SH3RF1: variants seen among roughly 807,000 people sequenced by gnomAD.
The protein encoded by SH3RF1 is E3 ubiquitin-protein ligase SH3RF1.
A neutral mutation model predicts 74.0 loss-of-function variants in SH3RF1; 32 were observed. That is an observed-to-expected ratio of 0.43 (90% CI 0.33 to 0.58). SH3RF1 has a LOEUF of 0.58. SH3RF1 is among the 20% of genes least tolerant of loss of function. SH3RF1 has a pLI of 0.05. For missense variants in SH3RF1, 954 were observed against 1,130.9 expected (o/e 0.84, Z 2.24); for synonymous variants, 396 against 439.6 (o/e 0.90, Z 1.24).
intron 2 of SH3RF1, among the ~76,000 whole-genome samples, chr4:169,211,184 A>T (rs1177198965): frequency 6.6e-6 from 1 of 152,182 alleles, no homozygotes; most frequent in African/African-American, 2.4e-5. Flanking sequence ...TCCAAAGAAG[A>T]AACTAGCCGG....
intron 2 of SH3RF1, among the ~76,000 whole-genome samples, chr4:169,253,360 T>G (rs1032150922): frequency 6.6e-6 from 1 of 152,250 alleles, no homozygotes; most frequent in Non-Finnish European, 1.5e-5. Flanking sequence ...GGTATTTCCA[T>G]GTATATAGTT....
Position 169,227,091 on chromosome 4 carries a change from A to G in SH3RF1, c.393+41729T>C, listed in dbSNP as rs575787399. On this transcript the variant is annotated intron_variant, in intron 2 of 11. Coordinates refer to ENST00000284637, the MANE Select transcript of SH3RF1 (RefSeq NM_020870.4). ...TGAGGCAGGAGGATTGCTTGAGCCC[A>G]GGAGGTTGAGGCTTCAGTAAGCTGT... Among the ~76,000 whole-genome samples the G allele has an allele frequency of 2.4e-3, 368 of 152,218 alleles. 2 individuals carry two copies. The highest frequency in any genetic ancestry group is 8.2e-3 in the African/African-American group (342 of 41,534).
chr4:169,269,868 C>T (rs973357796), intron 1 of SH3RF1: 6 of 152,304 alleles, frequency 3.9e-5, no homozygotes, highest in African/African-American at 1.4e-4. Flanking sequence ...CCAAAAAGAG[C>T]TGAAGGTTGA....
Position 169,104,164 on chromosome 4 carries a change from T to G in SH3RF1, c.2498+2683A>C, listed in dbSNP as rs138884702. Among the ~76,000 whole-genome samples the G allele has an allele frequency of 1.3e-3, 202 of 152,194 alleles. 2 individuals are homozygous for G. The highest frequency in any genetic ancestry group is 2.3e-3 in the Non-Finnish European group (154 of 67,998). ...ATGCACTGGGGGAGGGAGGCTGCAG[T>G]GCCCATGCCAGTGCCTAGGGAGAGT... On this transcript the variant is annotated intron_variant, in intron 11 of 11. Coordinates refer to ENST00000284637, the MANE Select transcript of SH3RF1 (RefSeq NM_020870.4).
At position 169,120,943 on chromosome 4, in the gene SH3RF1, C is replaced by T. The variant is rs1733427000; in HGVS notation, c.1393G>A (p.Glu465Lys). 2 of 1,614,164 alleles carry T rather than the reference C, an allele frequency of 1.2e-6. No individual in the cohort carries two copies. Among genetic ancestry groups the T allele is most frequent in the Non-Finnish European group, 1.7e-6 (2 of 1,179,994 alleles). ...AAAAACATCTCCCCTTTTCTCAGCTCTAGTTCATCCTCTTTCCGAGGAGTG... is the reference window on the plus strand; with the variant it reads ...AAAAACATCTCCCCTTTTCTCAGCTTTAGTTCATCCTCTTTCCGAGGAGTG... ...PYTPRKEDELELRKGEMFLVF... is the reference protein window; with the variant it reads ...PYTPRKEDELKLRKGEMFLVF... The change falls in exon 8 of 12, where the codon GAG (glutamate) becomes AAG (lysine). Residue 465 changes from glutamate to lysine, a missense_variant. Coordinates refer to ENST00000284637, the MANE Select transcript of SH3RF1 (RefSeq NM_020870.4).
chr4:169,220,794 C>T (rs17544603), intron 2 of SH3RF1, among the ~76,000 whole-genome samples: 12,910 of 152,288 alleles, frequency 0.085, 704 homozygotes, highest in Middle Eastern at 0.14. Flanking sequence ...TGTGAAATTA[C>T]ATGGAAATGC....
At chr4:169,211,340 G>A (rs1730362665) in intron 2 of SH3RF1, among the ~76,000 whole-genome samples, 1 of 151,988 alleles carries the variant, frequency 6.6e-6, no homozygotes, top group Non-Finnish European at 1.5e-5. Flanking sequence ...GAATTAGCTG[G>A]GCGTGGTGGC....
intron 4 of SH3RF1, among the ~76,000 whole-genome samples, chr4:169,151,780 C>T (rs913743046): frequency 7.9e-5 from 12 of 151,818 alleles, no homozygotes; most frequent in African/African-American, 2.2e-4. Context: ...ACTGAGTGGG[C>T]GATATTTCAA....
chr4:169,140,570 C>G (rs1409468918), intron 4 of SH3RF1, among the ~76,000 whole-genome samples: 2 of 151,944 alleles, frequency 1.3e-5, no homozygotes, highest in African/African-American at 4.8e-5. Flanking sequence ...TGAGAGTTAT[C>G]AGAAGTATAA....
intron 2 of SH3RF1, among the ~76,000 whole-genome samples, chr4:169,264,815 C>T (rs974304159): frequency 6.6e-6 from 1 of 152,226 alleles, no homozygotes; most frequent in African/African-American, 2.4e-5. Flanking sequence ...CCTCATCTTA[C>T]ACCATCCCTG....
chr4:169,175,761 T>A (rs1052451730), intron 2 of SH3RF1, among the ~76,000 whole-genome samples: 3 of 152,210 alleles, frequency 2.0e-5, no homozygotes, highest in African/African-American at 7.2e-5. Context: ...CACAGGCCTA[T>A]ATCCATACCT....
chr4:169,257,384 G>A (rs1447427265), intron 2 of SH3RF1, among the ~76,000 whole-genome samples: 2 of 152,084 alleles, frequency 1.3e-5, no homozygotes, highest in East Asian at 1.9e-4. Flanking sequence ...GGCCCTGTTC[G>A]CCTCAGACAG....
At chr4:169,109,283 T>A (rs1429498993) in intron 10 of SH3RF1, among the ~76,000 whole-genome samples, 1 of 152,228 alleles carries the variant, frequency 6.6e-6, no homozygotes, top group Admixed American at 6.5e-5. Context: ...TCTTAAAAGC[T>A]CAGTTCTGAG....
At chr4:169,221,823 T>C (rs1312771516) in intron 2 of SH3RF1, among the ~76,000 whole-genome samples, 1 of 152,194 alleles carries the variant, frequency 6.6e-6, no homozygotes, top group African/African-American at 2.4e-5. Flanking sequence ...TAGCCTTTTA[T>C]TAGCAGGCTA....
intron 2 of SH3RF1, among the ~76,000 whole-genome samples, chr4:169,185,317 C>T (rs990201224): frequency 3.9e-5 from 6 of 152,050 alleles, no homozygotes; most frequent in East Asian, 1.9e-4. Flanking sequence ...GATAGCCTGC[C>T]GCTACAAGCC....
chr4:169,102,102 C>G (rs1733047631), intron 11 of SH3RF1, among the ~76,000 whole-genome samples: 1 of 152,204 alleles, frequency 6.6e-6, no homozygotes, highest in South Asian at 2.1e-4. Context: ...GGGAGGCACT[C>G]AGTTCATCAC....
intron 4 of SH3RF1, among the ~76,000 whole-genome samples, chr4:169,154,156 A>G (rs1448447047): frequency 2.0e-5 from 3 of 152,170 alleles, no homozygotes; most frequent in African/African-American, 4.8e-5. Context: ...TACATAATGT[A>G]CAGGAAGGAC....
intron 2 of SH3RF1, among the ~76,000 whole-genome samples, chr4:169,199,284 T>C (rs930067861): frequency 6.6e-6 from 1 of 152,210 alleles, no homozygotes; most frequent in Non-Finnish European, 1.5e-5. Flanking sequence ...AGAAAAACAT[T>C]AGCTGCTGTT....
chr4:169,148,424 G>A (rs1733926994), intron 4 of SH3RF1, among the ~76,000 whole-genome samples: 3 of 152,140 alleles, frequency 2.0e-5, no homozygotes, highest in East Asian at 1.9e-4. Flanking sequence ...ATTATATGGC[G>A]AGAGGCAAAA....
Sources: gnomAD v4.1 joint callset for allele counts (sites outside exome capture counted in the v4.1 genomes callset) on GRCh38, gnomAD v4.1.1 for gene constraint, MANE v1.5 for transcripts, NCBI Gene and HGNC (gene_info 2026-07-23, HGNC 2026-07-21) for gene names.